Variants in TMPRSS5 observed in about 807,000 individuals in gnomAD.
TMPRSS5 encodes transmembrane serine protease 5.
Under a neutral mutation model 59.7 loss-of-function variants are expected in TMPRSS5, and 45 were observed. That is an observed-to-expected ratio of 0.75 (90% confidence interval 0.59 to 0.97). TMPRSS5 has a LOEUF of 0.97. Among genes scored for constraint, TMPRSS5 ranks in the 50% least tolerant of loss-of-function variants. The probability of loss-of-function intolerance (pLI) is 0.00; values close to 1 mark genes in which losing one functional copy is unlikely to be tolerated. For missense variants in TMPRSS5, 585 were observed against 596.7 expected, an observed-to-expected ratio of 0.98 and a Z score of 0.20; for synonymous variants, 225 against 232.0, an observed-to-expected ratio of 0.97 and a Z score of 0.27.
intron 3 of TMPRSS5, among the ~76,000 whole-genome samples, 151 bp from the exon 4 acceptor site, chr11:113,699,178 A>G (rs1281996157): frequency 2.0e-5 from 2 of 98,522 alleles, no homozygotes; most frequent in South Asian, 6.3e-4. Context: ...CTCAGCCTCT[A>G]TCTCTGCCTC....
intron 10 of TMPRSS5, 111 bp from the exon 11 acceptor site, chr11:113,690,484 G>T: frequency 6.8e-7 from 1 of 1,462,482 alleles, no homozygotes; most frequent in Non-Finnish European, 9.1e-7. Context: ...CCAAAGAGGC[G>T]AGCCCAGGGT....
intron 1 of TMPRSS5, among the ~76,000 whole-genome samples, chr11:113,702,543 A>G (rs1292765465): frequency 6.6e-6 from 1 of 152,376 alleles, no homozygotes; most frequent in Admixed American, 6.5e-5. Flanking sequence ...AGAAATTTGC[A>G]TAAGTAATGA....
chr11:113,698,998 G>C lies in TMPRSS5; in HGVS notation c.235C>G (p.Pro79Ala). 6.2e-7 allele frequency: 1 copy of C among 1,611,062 alleles called. No homozygotes were observed. The highest frequency in any genetic ancestry group is 8.5e-7 in the Non-Finnish European group (1 of 1,178,740). Residue 79 changes from proline to alanine, a missense_variant, in exon 4 of 13, where the codon CCC becomes GCC. Transcript: ENST00000299882. ...VLYLCPAASQ[P>A]ISGTLQDEEI... ...TCATCCTGCAAGGTCCCGGAAATGG[G>C]CTGAGAGGCAGCAGGACACAGATAC...
chr11:113,697,456 G>A (rs1241038988), intron 4 of TMPRSS5, 38 bp from the exon 5 acceptor site: 1 of 1,606,386 alleles, frequency 6.2e-7, no homozygotes, highest in East Asian at 2.2e-5. Flanking sequence ...GGAGAGGATG[G>A]TGGTGGTAGG....
Position 113,688,288 on chromosome 11 carries a change from GA to G in TMPRSS5, c.1360-15del. On this transcript the variant is annotated splice_polypyrimidine_tract_variant and intron_variant, in intron 12 of 12. Coordinates refer to ENST00000299882, the MANE Select transcript of TMPRSS5 (RefSeq NM_030770.4). ...GAGGAGGGAGTCCTAGACCAAAAGGGAAAGGAACTGATTCACAGCATGGCTC... is the reference window on the plus strand; with the variant it reads ...GAGGAGGGAGTCCTAGACCAAAAGGGAAGGAACTGATTCACAGCATGGCTC... 1 of 1,544,212 alleles carries G rather than the reference GA, an allele frequency of 6.5e-7. No individual in the cohort carries two copies. Among genetic ancestry groups the G allele is most frequent in the Admixed American group, 1.8e-5 (1 of 54,352 alleles).
At chr11:113,706,050 T>TG (rs1252262785) in intron 1 of TMPRSS5, among the ~76,000 whole-genome samples, 172 bp downstream of exon 1, 1 of 152,124 alleles carries the variant, frequency 6.6e-6, no homozygotes, top group Non-Finnish European at 1.5e-5. Context: ...GGGCAGTCCC[T>TG]GGGGAGGAAA....
In TMPRSS5 at chr11:113,690,052, A is replaced by ACC. The variant is rs912953639; in HGVS notation, c.1207-137_1207-136dup. The stretch of plus-strand genomic sequence containing the variant: ...TCTAGCTGAGATATCTGCTGGCCTC[A>ACC]CCCCTCCTTAAACCCTTAGCATGAG... On this transcript the variant is annotated intron_variant, in intron 11 of 12. Transcript: ENST00000299882. 3 of 1,258,938 alleles carry ACC rather than the reference A, an allele frequency of 2.4e-6. No individual in the cohort carries two copies. The African/African-American group carries it at 4.6e-5, about 19-fold the overall frequency. The allele number at this position is 1,258,938 out of a possible 1,614,324, so 78.0% of individuals were successfully genotyped here. A position where few individuals can be genotyped will look rare whatever the true frequency, so the allele number is the denominator to read the frequency against.
At chr11:113,690,090 C>T (rs1488151108) in intron 11 of TMPRSS5, 141 bp downstream of exon 11, 47 of 1,309,834 alleles carry the variant, frequency 3.6e-5, no homozygotes, top group Non-Finnish European at 4.8e-5. Context: ...CCAGACTTGC[C>T]TAGGTGCCCC....
chr11:113,705,648 G>C (rs1269818407), intron 1 of TMPRSS5, among the ~76,000 whole-genome samples: 1 of 152,228 alleles, frequency 6.6e-6, no homozygotes, highest in Non-Finnish European at 1.5e-5. Flanking sequence ...GCACCCATAA[G>C]ATAGTAGAGA....
In TMPRSS5 at chr11:113,693,150, G is replaced by T. The variant is rs369332063; in HGVS notation, c.885C>A (p.Ile295=). 6.2e-6 allele frequency: 10 copies of T among 1,600,534 alleles called. No homozygotes were observed. The highest frequency in any genetic ancestry group is 5.1e-6 in the Non-Finnish European group (6 of 1,173,864). ...TCTGGGCACTGTAGAGGGGGTGTGG[G>T]ATAATCCTCTCCACCAGAGCCCCTT... ...PHQGALVERI[I]PHPLYSAQNH... Residue 295 remains isoleucine, a synonymous_variant, in exon 9 of 13, where the codon ATC becomes ATA. Coordinates refer to ENST00000299882, the MANE Select transcript of TMPRSS5 (RefSeq NM_030770.4).
intron 10 of TMPRSS5, 81 bp downstream of exon 10, chr11:113,690,760 G>A (rs1591372510): frequency 2.7e-6 from 3 of 1,111,816 alleles, no homozygotes; most frequent in Non-Finnish European, 3.8e-6. Context: ...CATGTGGCCA[G>A]GGGATGTGGC....
At chr11:113,705,988 C>T (rs578227732) in intron 1 of TMPRSS5, among the ~76,000 whole-genome samples, 1 of 152,320 alleles carries the variant, frequency 6.6e-6, no homozygotes, top group African/African-American at 2.4e-5. Flanking sequence ...TTGAGCACCA[C>T]ATATGTGCAA....
intron 11 of TMPRSS5, 55 bp downstream of exon 11, chr11:113,690,176 G>GGCCCACC: frequency 2.6e-6 from 1 of 388,230 alleles, no homozygotes; most frequent in Non-Finnish European, 4.2e-6. Context: ...CAGGCCCCCT[G>GGCCCACC]CCCTCCCACC....
At position 113,688,242 on chromosome 11, in the gene TMPRSS5, T is replaced by G. The variant is rs758992928; in HGVS notation, c.*18A>C. 1.3e-6 allele frequency: 2 copies of G among 1,578,466 alleles called. No individual in the cohort carries two copies. Among genetic ancestry groups the G allele is most frequent in the Admixed American group, 3.6e-5 (2 of 54,938 alleles). ...ATGAGGCAGTGGTGTGCAGTGAGAC[T>G]GGAGGAAACAGCAGGACTCAGAGGA... On this transcript the variant is annotated 3_prime_UTR_variant, in exon 13 of 13. Coordinates refer to ENST00000299882, the MANE Select transcript of TMPRSS5 (RefSeq NM_030770.4).
intron 1 of TMPRSS5, among the ~76,000 whole-genome samples, chr11:113,701,674 C>T (rs1035386419): frequency 2.0e-5 from 3 of 152,128 alleles, no homozygotes; most frequent in Non-Finnish European, 4.4e-5. Context: ...TAACTCCTCC[C>T]CAACTCACAG....
rs772020621 is a variant in TMPRSS5, at chr11:113,693,235, C to A, written c.800G>T (p.Arg267Leu). The change falls in exon 9 of 13, where the codon CGC becomes CTC. Residue 267 changes from arginine to leucine, a missense_variant. Arg to Leu is a moderately radical substitution (Grantham distance 102, BLOSUM62 -2). Transcript: ENST00000299882. The part of the protein sequence containing the change: ...AHCMHSFRLA[R>L]LSSWRVHAGL... ...CGCATGAACCCGCCAGCTGGACAGG[C>A]GGGCCAGCCTGAAACTGCACACAGG... is the stretch of plus-strand genomic sequence containing the variant. 1 of 1,566,902 alleles carries A rather than the reference C, an allele frequency of 6.4e-7. No homozygotes were observed.
chr11:113,696,914 C>T lies in TMPRSS5; in HGVS notation c.522G>A (p.Glu174=), dbSNP rs375323244. The change falls in exon 6 of 13, where the codon GAG becomes GAA. Residue 174 remains glutamate, a synonymous_variant. Coordinates refer to ENST00000299882, the MANE Select transcript of TMPRSS5 (RefSeq NM_030770.4). The part of the protein sequence containing the change: ...LTDIKLNSSQ[E]FAQLSPRLGG... Reference sequence around the variant, plus strand: ...CCAGTCTAGGAGAGAGCTGAGCAAACTCCTGGGAACTGTTGAGTTTGATGT... The same window carrying T: ...CCAGTCTAGGAGAGAGCTGAGCAAATTCCTGGGAACTGTTGAGTTTGATGT... 14 of 1,580,524 alleles carry T rather than the reference C, an allele frequency of 8.9e-6. No individual in the cohort carries two copies. Among genetic ancestry groups the T allele is most frequent in the Non-Finnish European group, 1.2e-5 (14 of 1,162,412 alleles).
At chr11:113,697,939 CTG>C (rs1349563286) in intron 4 of TMPRSS5, among the ~76,000 whole-genome samples, 1 of 152,184 alleles carries the variant, frequency 6.6e-6, no homozygotes, top group Non-Finnish European at 1.5e-5. Context: ...CTCAATGTGA[CTG>C]TATTTGGAGA....
chr11:113,697,225 C>A, intron 5 of TMPRSS5, 58 bp downstream of exon 5: 1 of 1,567,696 alleles, frequency 6.4e-7, no homozygotes, highest in Non-Finnish European at 8.7e-7. Context: ...GTCTCCAATT[C>A]CCATCCCACA....
Sources: allele counts gnomAD v4.1 joint callset (sites outside exome capture counted in the v4.1 genomes callset), GRCh38; gene constraint gnomAD v4.1.1; transcripts MANE v1.5; gene names NCBI Gene and HGNC (gene_info 2026-07-23, HGNC 2026-07-21).